SEC23A: variants seen among roughly 807,000 people sequenced by gnomAD.
SEC23A encodes SEC23 homolog A, COPII component, also known as protein transport protein Sec23A.
Under a neutral mutation model 103.7 loss-of-function variants are expected in SEC23A, and 56 were observed. The ratio of observed to expected loss-of-function variants is 0.54; its 90% CI spans 0.44 to 0.67. SEC23A has a LOEUF of 0.67. SEC23A is among the 30% of genes least tolerant of loss of function. The pLI, the probability that SEC23A is intolerant of heterozygous loss-of-function variation, is 0.00. For missense variants in SEC23A, 784 were observed against 936.4 expected (o/e 0.84, Z 2.12); for synonymous variants, 281 against 293.0 (o/e 0.96, Z 0.42).
intron 7 of SEC23A, among the ~76,000 whole-genome samples, chr14:39,080,977 G>A (rs1242726609): frequency 2.0e-5 from 3 of 152,132 alleles, no homozygotes; most frequent in African/African-American, 7.2e-5. Context: ...AGCCAAGGTG[G>A]TAGGATCACT....
intron 9 of SEC23A, among the ~76,000 whole-genome samples, chr14:39,073,000 A>T (rs1886889661): frequency 6.6e-6 from 1 of 152,134 alleles, no homozygotes; most frequent in South Asian, 2.1e-4. Context: ...ATATATACCT[A>T]AGAGAAACAA....
At chr14:39,095,471 T>C (rs1041801962) in intron 2 of SEC23A, among the ~76,000 whole-genome samples, 3 of 152,088 alleles carry the variant, frequency 2.0e-5, no homozygotes, top group Admixed American at 2.0e-4. Context: ...CTAAGTTTTG[T>C]ATTTTTAGTA....
At position 39,042,835 on chromosome 14, in the gene SEC23A, C is replaced by T. The variant is rs1010225972; in HGVS notation, c.1937G>A (p.Arg646His). ...GAAGAATGTGTCCATGAGAAGAATACGATCTGCAAGAATGCTACTGCTATC... is the reference window on the plus strand; with the variant it reads ...GAAGAATGTGTCCATGAGAAGAATATGATCTGCAAGAATGCTACTGCTATC... The part of the protein sequence containing the change: ...LLDSSSILAD[R>H]ILLMDTFFQI... The change falls in exon 17 of 20, where the codon CGT (arginine) becomes CAT (histidine). Residue 646 changes from arginine (R) to histidine (H), a missense_variant. Physicochemically the swap from Arg to His is conservative, Grantham distance 29. Transcript: ENST00000307712. The T allele has an allele frequency of 2.5e-6, 4 of 1,612,074 alleles. No homozygotes were observed. Among genetic ancestry groups the T allele is most frequent in the Non-Finnish European group, 2.5e-6 (3 of 1,178,484 alleles).
intron 15 of SEC23A, among the ~76,000 whole-genome samples, chr14:39,046,779 T>A (rs766308218): frequency 8.5e-5 from 13 of 152,210 alleles, no homozygotes; most frequent in Non-Finnish European, 1.8e-4. Flanking sequence ...GCCTGAATAA[T>A]GGACAGTTAC....
intron 14 of SEC23A, among the ~76,000 whole-genome samples, chr14:39,050,014 C>T (rs374073884): frequency 6.6e-6 from 1 of 151,958 alleles, no homozygotes; most frequent in Non-Finnish European, 1.5e-5. Flanking sequence ...ATGATCCGCC[C>T]GTCTCGGCCT....
chr14:39,100,476 G>A lies in SEC23A; in HGVS notation c.-22+2556C>T, dbSNP rs1435493485. Among the ~76,000 whole-genome samples the A allele has an allele frequency of 2.0e-5, 3 of 149,636 alleles. No individual in the cohort carries two copies. In the East Asian group the frequency reaches 5.9e-4, roughly 29 times the overall value. ...TGCCCAGGCTGGAGTGCAATGGCGT[G>A]ATCTCGGCTCACCGCAAACTCCTCC... On this transcript the variant is annotated intron_variant, in intron 1 of 19. Transcript: ENST00000307712.
intron 18 of SEC23A, 154 bp downstream of exon 18, chr14:39,040,578 T>C: frequency 2.2e-6 from 2 of 902,532 alleles, no homozygotes; most frequent in East Asian, 2.5e-5. Context: ...TCTCAAAAGC[T>C]AATGCAAAAA....
chr14:39,091,763 A>G (rs773367685), intron 4 of SEC23A, 50 bp from the exon 5 acceptor site: 2 of 1,215,986 alleles, frequency 1.6e-6, no homozygotes. Flanking sequence ...AAAGCACAGC[A>G]TACAAGACAG....
chr14:39,101,957 C>A (rs1383704769), intron 1 of SEC23A, among the ~76,000 whole-genome samples: 1 of 152,154 alleles, frequency 6.6e-6, no homozygotes, highest in South Asian at 2.1e-4. Flanking sequence ...TCTGGCCGGG[C>A]GCAGTGGCTC....
At chr14:39,063,509 A>G in intron 11 of SEC23A, 96 bp from the exon 12 acceptor site, 2 of 763,238 alleles carry the variant, frequency 2.6e-6, no homozygotes, top group South Asian at 3.4e-5. Flanking sequence ...GGAAAAAAAA[A>G]AGTCATGTTT....
At chr14:39,069,523 G>A (rs928674667) in intron 9 of SEC23A, among the ~76,000 whole-genome samples, 3 of 151,974 alleles carry the variant, frequency 2.0e-5, no homozygotes, top group Non-Finnish European at 2.9e-5. Flanking sequence ...GCAGTGATGC[G>A]ATCATGGCTC....
intron 10 of SEC23A, among the ~76,000 whole-genome samples, chr14:39,066,591 G>T (rs1231730227): frequency 6.6e-6 from 1 of 151,848 alleles, no homozygotes; most frequent in South Asian, 2.1e-4. Flanking sequence ...CAGGCCAGAC[G>T]TGGTGGCTCA....
chr14:39,056,090 T>C (rs1594449220), intron 13 of SEC23A, among the ~76,000 whole-genome samples: 1 of 152,380 alleles, frequency 6.6e-6, no homozygotes, highest in Non-Finnish European at 1.5e-5. Context: ...ATTAACTGCC[T>C]TTGTTCTGCC....
chr14:39,074,322 GAC>G (rs1280299374), intron 9 of SEC23A, 91 bp downstream of exon 9: 4 of 831,796 alleles, frequency 4.8e-6, no homozygotes, highest in Non-Finnish European at 8.4e-6. Flanking sequence ...GTGGGAAGAT[GAC>G]ACTTTTCCCT....
At chr14:39,068,738 T>C (rs1566497444) in intron 9 of SEC23A, among the ~76,000 whole-genome samples, 1 of 152,166 alleles carries the variant, frequency 6.6e-6, no homozygotes, top group Non-Finnish European at 1.5e-5. Flanking sequence ...CTCACATTTT[T>C]AAAATATTTT....
rs190681426 is a variant in SEC23A, at chr14:39,051,409, T to C, written c.1660-2680A>G. On this transcript the variant is annotated intron_variant, in intron 14 of 19. Coordinates refer to ENST00000307712, the MANE Select transcript of SEC23A (RefSeq NM_006364.4). The stretch of plus-strand genomic sequence containing the variant: ...CTGCTGTTGTAAATGCTGCAGAATG[T>C]AGAATGTGTAGATTAGAAGTAAAGT... Among the ~76,000 whole-genome samples, 1,307 of 152,322 alleles carry C rather than the reference T, an allele frequency of 8.6e-3. 21 individuals carry two copies. The highest frequency in any genetic ancestry group is 0.029 in the African/African-American group (1,217 of 41,562).
intron 16 of SEC23A, 140 bp from the exon 17 acceptor site, chr14:39,043,012 T>C: frequency 1.7e-6 from 1 of 605,908 alleles, no homozygotes; most frequent in Non-Finnish European, 2.9e-6. Flanking sequence ...GGTCTTGCTC[T>C]GTCACCTAGG....
intron 7 of SEC23A, among the ~76,000 whole-genome samples, chr14:39,079,595 G>A (rs1175237242): frequency 2.0e-5 from 3 of 152,080 alleles, no homozygotes; most frequent in African/African-American, 7.2e-5. Context: ...TGAGGTGGGC[G>A]GATCACCTGA....
At chr14:39,090,651 G>C (rs1048521030) in intron 5 of SEC23A, among the ~76,000 whole-genome samples, 3 of 152,128 alleles carry the variant, frequency 2.0e-5, no homozygotes, top group Non-Finnish European at 4.4e-5. Context: ...CTGCCACCAA[G>C]GTTCTCGGTT....
Sources: allele counts gnomAD v4.1 joint callset (sites outside exome capture counted in the v4.1 genomes callset), GRCh38; gene constraint gnomAD v4.1.1; transcripts MANE v1.5; gene names NCBI Gene and HGNC (gene_info 2026-07-23, HGNC 2026-07-21).